RAPGEF6: variants seen among roughly 807,000 people sequenced by gnomAD.
RAPGEF6 encodes Rap guanine nucleotide exchange factor 6, also known as PDZ domain containing guanine nucleotide exchange factor (GEF) 2.
In RAPGEF6, 56 loss-of-function variants were observed where a neutral mutation model predicts 171.4. The observed-to-expected ratio is 0.33, with a 90% confidence interval of 0.26 to 0.41. The LOEUF is 0.41. RAPGEF6 is among the 10% of genes least tolerant of loss of function. The probability of loss-of-function intolerance (pLI) is 1.00; values close to 1 mark genes in which losing one functional copy is unlikely to be tolerated. For synonymous variants in RAPGEF6, 692 were observed against 650.1 expected, an observed-to-expected ratio of 1.06 and a Z score of -0.98; for missense variants, 1,674 against 1,921.4, an observed-to-expected ratio of 0.87 and a Z score of 2.41.
chr5:131,519,720 C>G (rs968421661), intron 7 of RAPGEF6, among the ~76,000 whole-genome samples: 3 of 152,208 alleles, frequency 2.0e-5, no homozygotes, highest in Admixed American at 1.3e-4. Context: ...TCCAGATATT[C>G]TCACATGTCC....
intron 8 of RAPGEF6, among the ~76,000 whole-genome samples, chr5:131,509,893 A>C (rs1450507981): frequency 6.6e-6 from 1 of 152,220 alleles, no homozygotes; most frequent in African/African-American, 2.4e-5. Context: ...TTGAATACAG[A>C]TAATAAAAAA....
chr5:131,482,692 T>C (rs1239396046), intron 15 of RAPGEF6, among the ~76,000 whole-genome samples: 9 of 152,254 alleles, frequency 5.9e-5, no homozygotes. Flanking sequence ...GTTTGTATAT[T>C]ACTACTGTTG....
At chr5:131,517,732 C>T (rs1321260914) in intron 7 of RAPGEF6, among the ~76,000 whole-genome samples, 1 of 147,272 alleles carries the variant, frequency 6.8e-6, no homozygotes, top group African/African-American at 2.5e-5. Context: ...ATATTTAATT[C>T]TTCTCCTTGT....
chr5:131,452,219 C>A (rs75498361), intron 21 of RAPGEF6, among the ~76,000 whole-genome samples: 189 of 143,306 alleles, frequency 1.3e-3, no homozygotes, highest in African/African-American at 1.5e-3. Context: ...GACTCCGTCT[C>A]AAAAAAAAAA....
Position 131,592,372 on chromosome 5 carries a change from T to C in RAPGEF6, c.281+11A>G. On this transcript the variant is annotated intron_variant, in intron 4 of 27. Transcript: ENST00000509018. ...TTAACTTTGCCTGCCATATAGCAAATGTAAACGTACCTGCAAGGAGGCAAG... is the reference window on the plus strand; with the variant it reads ...TTAACTTTGCCTGCCATATAGCAAACGTAAACGTACCTGCAAGGAGGCAAG... The C allele has an allele frequency of 1.9e-6, 3 of 1,613,212 alleles. No individual in the cohort carries two copies. Among genetic ancestry groups the C allele is most frequent in the Non-Finnish European group, 2.5e-6 (3 of 1,179,448 alleles).
intron 2 of RAPGEF6, 145 bp downstream of exon 2, chr5:131,604,478 C>T: frequency 2.3e-6 from 2 of 865,958 alleles, no homozygotes; most frequent in Non-Finnish European, 3.4e-6. Context: ...AAAATATAAA[C>T]TCCAGGAAAC....
At chr5:131,580,289 T>C (rs1762870436) in intron 4 of RAPGEF6, among the ~76,000 whole-genome samples, 1 of 152,118 alleles carries the variant, frequency 6.6e-6, no homozygotes, top group Non-Finnish European at 1.5e-5. Flanking sequence ...TTAAGCCCCT[T>C]ACTGCCCAGG....
chr5:131,622,300 T>G (rs1369727510), intron 1 of RAPGEF6, among the ~76,000 whole-genome samples: 1 of 152,224 alleles, frequency 6.6e-6, no homozygotes, highest in Non-Finnish European at 1.5e-5. Flanking sequence ...TTGAGGAATT[T>G]CCCTCAGAAT....
chr5:131,532,188 A>G (rs1320266225), intron 6 of RAPGEF6: 2 of 443,028 alleles, frequency 4.5e-6, no homozygotes, highest in South Asian at 1.6e-5. Context: ...TCCTTTTCAA[A>G]CCAGAGCTAC....
rs192202536 is a variant in RAPGEF6 at position 131,616,967 on chromosome 5, C to T, written c.70-12274G>A. On this transcript the variant is annotated intron_variant, in intron 1 of 27. Coordinates refer to ENST00000509018, the MANE Select transcript of RAPGEF6 (RefSeq NM_016340.6). ...CTTTCATTAACCAAGATATTTTATT[C>T]ATTCTCTTCTTAACCTAGAAAATAA... Among the ~76,000 whole-genome samples the T allele has an allele frequency of 2.3e-3, 347 of 152,316 alleles. 1 individual carries two copies. Among genetic ancestry groups the T allele is most frequent in the Non-Finnish European group, 2.6e-3 (176 of 68,024 alleles).
chr5:131,521,840 TACACACACAC>T lies in RAPGEF6; in HGVS notation c.496-329_496-320del, dbSNP rs3992018. Among the ~76,000 whole-genome samples the T allele has an allele frequency of 6.2e-3, 601 of 97,246 alleles. 6 individuals are homozygous for T. The highest frequency in any genetic ancestry group is 0.019 in the African/African-American group (575 of 29,764). The allele number at this position is 97,246 out of a possible 152,430, so 63.8% of individuals were successfully genotyped here. A position where few individuals can be genotyped will look rare whatever the true frequency, so the allele number is the denominator to read the frequency against. ...CCATTTAAGGGTAGGAATGTTACCC[TACACACACAC>T]ACACACACACACACACACACACACA... On this transcript the variant is annotated intron_variant, in intron 6 of 27. Transcript: ENST00000509018.
At chr5:131,467,006 T>C (rs150850823) in intron 17 of RAPGEF6, among the ~76,000 whole-genome samples, 1 of 152,224 alleles carries the variant, frequency 6.6e-6, no homozygotes, top group Non-Finnish European at 1.5e-5. Context: ...TGAATCATTT[T>C]ACTAGATCTT....
intron 23 of RAPGEF6, chr5:131,440,263 G>A: frequency 4.4e-6 from 2 of 456,150 alleles, no homozygotes; most frequent in Non-Finnish European, 8.8e-6. Flanking sequence ...AAAAAATCAT[G>A]AATGTATAGA....
chr5:131,441,472 T>C lies in RAPGEF6; in HGVS notation c.3610+877A>G, dbSNP rs1183925228. Among the ~76,000 whole-genome samples the C allele has an allele frequency of 8.5e-5, 13 of 152,212 alleles. 1 individual carries two copies. ...AACTTCTCTGGAACTTTTGCCTAATTATCTTCTTCGTCACCAATCTTTTAG... is the reference window on the plus strand; with the variant it reads ...AACTTCTCTGGAACTTTTGCCTAATCATCTTCTTCGTCACCAATCTTTTAG... On this transcript the variant is annotated intron_variant, in intron 23 of 27. Transcript: ENST00000509018.
Position 131,635,112 on chromosome 5 carries a change from T to C in RAPGEF6, c.-82A>G. The C allele has an allele frequency of 2.9e-6, 4 of 1,382,170 alleles. No homozygotes were observed. Among genetic ancestry groups the C allele is most frequent in the Non-Finnish European group, 3.9e-6 (4 of 1,033,212 alleles). 85.6% of individuals were successfully genotyped at this position (1,382,170 alleles called of 1,614,324 possible). A position where few individuals can be genotyped will look rare whatever the true frequency, so the allele number is the denominator to read the frequency against. On this transcript the variant is annotated 5_prime_UTR_variant, in exon 1 of 28. Transcript: ENST00000509018. Reference sequence around the variant, plus strand: ...CACACTAGGTAGCGGGTGCGGTACCTTTCCCCCGCCCCAAGGAGGGAACTT... The same window carrying C: ...CACACTAGGTAGCGGGTGCGGTACCCTTCCCCCGCCCCAAGGAGGGAACTT...
At chr5:131,611,105 T>G (rs1764908793) in intron 1 of RAPGEF6, among the ~76,000 whole-genome samples, 1 of 152,202 alleles carries the variant, frequency 6.6e-6, no homozygotes, top group Non-Finnish European at 1.5e-5. Context: ...ACTGTTACAG[T>G]GCAGTCTAAG....
chr5:131,469,872 G>T, intron 17 of RAPGEF6: 3 of 1,386,214 alleles, frequency 2.2e-6, no homozygotes, highest in Non-Finnish European at 2.9e-6. Flanking sequence ...CAAACTTACA[G>T]TTCTGTAGCT....
intron 4 of RAPGEF6, among the ~76,000 whole-genome samples, chr5:131,574,178 C>CA (rs1379252259): frequency 6.6e-6 from 1 of 152,222 alleles, no homozygotes; most frequent in Non-Finnish European, 1.5e-5. Context: ...AGAATGCCTG[C>CA]AGCCCGGGAT....
At chr5:131,584,260 A>T (rs1018295434) in intron 4 of RAPGEF6, among the ~76,000 whole-genome samples, 10 of 152,248 alleles carry the variant, frequency 6.6e-5, no homozygotes, top group African/African-American at 2.4e-4. Flanking sequence ...TAAAATGGTT[A>T]ACAGACAGCT....
Sources: allele counts gnomAD v4.1 joint callset (sites outside exome capture counted in the v4.1 genomes callset), GRCh38; gene constraint gnomAD v4.1.1; transcripts MANE v1.5; gene names NCBI Gene and HGNC (gene_info 2026-07-23, HGNC 2026-07-21).